SYPL1: variants seen among roughly 807,000 people sequenced by gnomAD.
SYPL1 encodes the protein synaptophysin-like protein 1.
A neutral mutation model predicts 23.7 loss-of-function variants in SYPL1; 6 were observed. The ratio of observed to expected loss-of-function variants is 0.25; its 90% confidence interval spans 0.14 to 0.50. The LOEUF is 0.50. Ranked by LOEUF, SYPL1 falls within the 20% of genes least tolerant of loss-of-function variation. The pLI, the probability that SYPL1 is intolerant of heterozygous loss-of-function variation, is 0.98. For missense variants in SYPL1, 253 were observed against 288.9 expected, an observed-to-expected ratio of 0.88 and a Z score of 0.90; for synonymous variants, 102 against 104.5, an observed-to-expected ratio of 0.98 and a Z score of 0.15.
At chr7:106,101,909 A>G (rs569224495) in intron 1 of SYPL1, among the ~76,000 whole-genome samples, 3 of 152,008 alleles carry the variant, frequency 2.0e-5, no homozygotes, top group Admixed American at 2.0e-4. Context: ...TCACGGAGGA[A>G]AGGAATGTGG....
chr7:106,098,709 T>G (rs914780256), intron 2 of SYPL1, among the ~76,000 whole-genome samples: 1 of 152,242 alleles, frequency 6.6e-6, no homozygotes, highest in Non-Finnish European at 1.5e-5. Context: ...GAATGAAATA[T>G]GGAATCTCTT....
intron 3 of SYPL1, among the ~76,000 whole-genome samples, chr7:106,093,985 G>T (rs1839891913): frequency 1.3e-5 from 2 of 152,174 alleles, no homozygotes; most frequent in Non-Finnish European, 2.9e-5. Flanking sequence ...TAATATTTTA[G>T]ATCATAAGTC....
chr7:106,093,064 T>G lies in SYPL1; in HGVS notation c.476A>C (p.Asp159Ala). The G allele has an allele frequency of 6.2e-7, 1 of 1,613,884 alleles. No homozygotes were observed. Among genetic ancestry groups the G allele is most frequent in the Non-Finnish European group, 8.5e-7 (1 of 1,179,878 alleles). ...ATTGTGACCAGTAGCTATTTTAATATCTGTCAGAGCTTTAGCCCAGGCTGA... is the reference window on the plus strand; with the variant it reads ...ATTGTGACCAGTAGCTATTTTAATAGCTGTCAGAGCTTTAGCCCAGGCTGA... ...STSAWAKALT[D>A]IKIATGHNII... The change falls in exon 4 of 5, where the codon GAT (aspartate) becomes GCT (alanine). Residue 159 changes from aspartate to alanine, a missense_variant. By Grantham distance (126) the Asp-to-Ala change is moderately radical (BLOSUM62 -2). Transcript: ENST00000455385.
At chr7:106,098,457 T>G (rs886367575) in intron 2 of SYPL1, among the ~76,000 whole-genome samples, 1 of 152,216 alleles carries the variant, frequency 6.6e-6, no homozygotes, top group Admixed American at 6.5e-5. Flanking sequence ...TTATCTGACT[T>G]ATCTTTAATA....
At chr7:106,103,341 T>C (rs115902764) in intron 1 of SYPL1, among the ~76,000 whole-genome samples, 1,663 of 152,310 alleles carry the variant, frequency 0.011, 33 homozygotes, top group African/African-American at 0.038. Context: ...AAACCATTTT[T>C]TAAAAAGCTC....
At chr7:106,112,347 T>TGGGGC (rs928827719), upstream of SYPL1, 39 of 994,354 alleles carry the variant, frequency 3.9e-5, no homozygotes, top group Admixed American at 6.2e-4. Context: ...CGGGCGGCCG[T>TGGGGC]GGGGCGGGGC....
Position 106,109,245 on chromosome 7 carries a change from CT to C in SYPL1, c.69+2894del, listed in dbSNP as rs962978787. Among the ~76,000 whole-genome samples, 143 of 152,044 alleles carry C rather than the reference CT, an allele frequency of 9.4e-4. No individual in the cohort carries two copies. Among genetic ancestry groups the C allele is most frequent in the African/African-American group, 3.4e-3 (141 of 41,494 alleles). ...ACTGAGTTGTAAGCTGAACTAGTGG[CT>C]TTTTTTTGTAACCACCAAATTTCTC... On this transcript the variant is annotated intron_variant, in intron 1 of 4. Transcript: ENST00000455385. This position sits in a 1 kb window ranked among gnomAD's most constrained non-coding sequence, Gnocchi z 4.3.
chr7:106,099,111 G>C (rs779907409), intron 2 of SYPL1, 47 bp downstream of exon 2: 1 of 1,576,046 alleles, frequency 6.3e-7, no homozygotes, highest in Non-Finnish European at 8.6e-7. Flanking sequence ...ATGACTCACT[G>C]TGAAAGTAAA....
In SYPL1 at chr7:106,091,785, C is replaced by T; in HGVS notation, c.*20G>A. The T allele has an allele frequency of 6.2e-7, 1 of 1,600,590 alleles. No homozygotes were observed. Among genetic ancestry groups the T allele is most frequent in the Non-Finnish European group, 8.5e-7 (1 of 1,175,918 alleles). On this transcript the variant is annotated 3_prime_UTR_variant, in exon 5 of 5. Coordinates refer to ENST00000455385, the MANE Select transcript of SYPL1 (RefSeq NM_182715.4). The surrounding 1 kb of genome is among the most constrained non-coding windows in gnomAD (Gnocchi z 5.0). ...TCATAGTATCAACATATACTTCATA[C>T]AGTGTATTTCTCCCTTTAATTATAT... is the stretch of plus-strand genomic sequence containing the variant.
chr7:106,091,948 G>A lies in SYPL1; in HGVS notation c.592-9C>T. ...TTTAGAAAGCCAAATATCTATGAAA[G>A]AGAAAAAGAAATATGAAAATCAAAT... On this transcript the variant is annotated splice_polypyrimidine_tract_variant and intron_variant, in intron 4 of 4. Transcript: ENST00000455385. The surrounding 1 kb of genome is among the most constrained non-coding windows in gnomAD (Gnocchi z 5.0). 6.3e-7 allele frequency: 1 copy of A among 1,590,026 alleles called. No individual in the cohort carries two copies. Among genetic ancestry groups the A allele is most frequent in the Non-Finnish European group, 8.5e-7 (1 of 1,173,732 alleles).
Position 106,095,430 on chromosome 7 carries a change from A to G in SYPL1, c.402+2260T>C, listed in dbSNP as rs976287634. On this transcript the variant is annotated intron_variant, in intron 3 of 4. Coordinates refer to ENST00000455385, the MANE Select transcript of SYPL1 (RefSeq NM_182715.4). The surrounding 1 kb of genome is among the most constrained non-coding windows in gnomAD (Gnocchi z 4.3). Reference sequence around the variant, plus strand: ...AGTGGTGTGATCTTGGCTCACTGTAACCTCCACCTCCTGGGTTCAAGCGAT... The same window carrying G: ...AGTGGTGTGATCTTGGCTCACTGTAGCCTCCACCTCCTGGGTTCAAGCGAT... 6.6e-6 allele frequency among the ~76,000 whole-genome samples: 1 copy of G among 151,546 alleles called. No homozygotes were observed. The highest frequency in any genetic ancestry group is 6.6e-5 in the Admixed American group (1 of 15,208).
In SYPL1 at chr7:106,091,946, A is replaced by C. The variant is rs1563338009; in HGVS notation, c.592-7T>G. 26 of 1,592,112 alleles carry C rather than the reference A, an allele frequency of 1.6e-5. No homozygotes were observed. The highest frequency in any genetic ancestry group is 2.0e-5 in the Non-Finnish European group (24 of 1,174,380). On this transcript the variant is annotated splice_polypyrimidine_tract_variant and splice_region_variant and intron_variant, in intron 4 of 4. Coordinates refer to ENST00000455385, the MANE Select transcript of SYPL1 (RefSeq NM_182715.4). The surrounding 1 kb of genome is among the most constrained non-coding windows in gnomAD (Gnocchi z 5.0). The stretch of plus-strand genomic sequence containing the variant: ...TATTTAGAAAGCCAAATATCTATGA[A>C]AGAGAAAAAGAAATATGAAAATCAA...
chr7:106,092,686 A>G, intron 4 of SYPL1: 1 of 511,016 alleles, frequency 2.0e-6, no homozygotes. Flanking sequence ...AAAAAAAAAA[A>G]AAAAAGAAAT....
chr7:106,110,002 T>C (rs1360570591), intron 1 of SYPL1, among the ~76,000 whole-genome samples: 2 of 152,146 alleles, frequency 1.3e-5, no homozygotes, highest in Admixed American at 1.3e-4. Context: ...TGCCTAAAAT[T>C]AGTCGTATCA....
At chr7:106,098,033 A>C in intron 2 of SYPL1, 136 bp from the exon 3 acceptor site, 1 of 716,664 alleles carries the variant, frequency 1.4e-6, no homozygotes, top group East Asian at 2.7e-5. Flanking sequence ...AGTAAAATTC[A>C]AATATTATAT....
intron 3 of SYPL1, among the ~76,000 whole-genome samples, chr7:106,094,899 T>TGG (rs1216997184): frequency 3.9e-5 from 6 of 152,074 alleles, no homozygotes; most frequent in African/African-American, 1.2e-4. Flanking sequence ...TGAAGGAACG[T>TGG]GGGGGGAATT....
rs551841936 is a variant in SYPL1 at position 106,095,612 on chromosome 7, A to C, written c.402+2078T>G. 9.9e-5 allele frequency among the ~76,000 whole-genome samples: 15 copies of C among 152,282 alleles called. No individual in the cohort carries two copies. The highest frequency in any genetic ancestry group is 1.6e-4 in the Non-Finnish European group (11 of 68,002). ...AGTGATCCACCCACCTCGGCCTCCC[A>C]AAGTGCTGGGATTACAGGCATGACC... On this transcript the variant is annotated intron_variant, in intron 3 of 4. Transcript: ENST00000455385. The surrounding 1 kb of genome is among the most constrained non-coding windows in gnomAD (Gnocchi z 4.3).
In SYPL1 at chr7:106,099,273, T is replaced by C. The variant is rs781088755; in HGVS notation, c.79A>G (p.Ile27Val). ...FIKVLEWIAS[I>V]FAFATCGGFK... Reference sequence around the variant, plus strand: ...CCTCCACAGGTGGCAAAAGCAAAGATAGAAGCAATCTACACAAAGTAAGAT... The same window carrying C: ...CCTCCACAGGTGGCAAAAGCAAAGACAGAAGCAATCTACACAAAGTAAGAT... The change falls in exon 2 of 5, where the codon ATC becomes GTC. Residue 27 changes from isoleucine (I) to valine (V), a missense_variant. Coordinates refer to ENST00000455385, the MANE Select transcript of SYPL1 (RefSeq NM_182715.4). The C allele has an allele frequency of 4.4e-6, 7 of 1,606,792 alleles. No homozygotes were observed. The highest frequency in any genetic ancestry group is 2.2e-5 in the East Asian group (1 of 44,604).
chr7:106,094,196 A>G (rs368496605), intron 3 of SYPL1, among the ~76,000 whole-genome samples: 3 of 152,206 alleles, frequency 2.0e-5, no homozygotes, highest in South Asian at 4.1e-4. Context: ...AATAAACCCA[A>G]TTAGTTTTTA....
Sources: gnomAD v4.1 joint callset for allele counts (sites outside exome capture counted in the v4.1 genomes callset) on GRCh38, gnomAD v4.1.1 for gene constraint, Gnocchi (gnomAD v3.1) non-coding constraint, MANE v1.5 for transcripts, NCBI Gene and HGNC (gene_info 2026-07-23, HGNC 2026-07-21) for gene names.